The following GPC5 variants were observed in gnomAD, a reference collection of about 807,000 sequenced individuals.
GPC5 encodes the protein glypican-5.
GPC5 carries 47 observed loss-of-function variants against 53.9 expected under a neutral mutation model. The observed-to-expected ratio is 0.87, with a 90% CI of 0.69 to 1.11. The LOEUF is 1.11. GPC5 is among the 50% of genes most tolerant of loss of function. The probability of loss-of-function intolerance (pLI) is 0.00; values close to 1 mark genes in which losing one functional copy is unlikely to be tolerated. For missense variants in GPC5, 748 were observed against 713.1 expected (o/e 1.05, Z -0.56); for synonymous variants, 286 against 263.3 (o/e 1.09, Z -0.84).
At chr13:92,097,809 A>C (rs924540727) in intron 6 of GPC5, among the ~76,000 whole-genome samples, 1 of 152,188 alleles carries the variant, frequency 6.6e-6, no homozygotes, top group Non-Finnish European at 1.5e-5. Flanking sequence ...TGCATGCTAT[A>C]TTTCATGAAA....
intron 7 of GPC5, among the ~76,000 whole-genome samples, chr13:92,608,204 G>T (rs1884316683): frequency 6.6e-6 from 1 of 152,094 alleles, no homozygotes; most frequent in South Asian, 2.1e-4. Flanking sequence ...AATTATATTT[G>T]GATTTTCAGC....
intron 6 of GPC5, among the ~76,000 whole-genome samples, chr13:92,031,065 A>T (rs1249433513): frequency 6.6e-6 from 1 of 151,982 alleles, no homozygotes. Context: ...GATTTCTGGC[A>T]CATTCTTTTC....
At chr13:91,992,811 T>C (rs1476440093) in intron 6 of GPC5, among the ~76,000 whole-genome samples, 1 of 152,174 alleles carries the variant, frequency 6.6e-6, no homozygotes, top group African/African-American at 2.4e-5. Flanking sequence ...TAAAGCTCAA[T>C]AAACATGCCA....
intron 6 of GPC5, among the ~76,000 whole-genome samples, chr13:92,013,661 C>T (rs1190692319): frequency 1.3e-5 from 2 of 152,160 alleles, no homozygotes; most frequent in Non-Finnish European, 2.9e-5. Flanking sequence ...CCCCTGTCTG[C>T]CTTAAATTTC....
chr13:91,819,581 G>A (rs145092057), intron 5 of GPC5, among the ~76,000 whole-genome samples: 36 of 152,160 alleles, frequency 2.4e-4, no homozygotes, highest in South Asian at 1.5e-3. Flanking sequence ...ATATTATTGC[G>A]TACAGCTGTG....
chr13:91,544,224 A>T (rs2030141873), intron 2 of GPC5, among the ~76,000 whole-genome samples: 1 of 150,858 alleles, frequency 6.6e-6, no homozygotes. Context: ...TGACTTAGGA[A>T]TTTTGTTTTT....
intron 3 of GPC5, among the ~76,000 whole-genome samples, chr13:91,727,331 C>T (rs345491): frequency 0.48 from 73,341 of 151,920 alleles, 19,419 homozygotes; most frequent in African/African-American, 0.71. Context: ...CTTCTTCACC[C>T]ACCACCCCCA....
intron 7 of GPC5, among the ~76,000 whole-genome samples, chr13:92,753,701 GA>G (rs1874701826): frequency 6.6e-6 from 1 of 152,046 alleles, no homozygotes. Flanking sequence ...CTCAGGAGCC[GA>G]TGCGATCAAC....
intron 7 of GPC5, among the ~76,000 whole-genome samples, chr13:92,784,937 C>T (rs1876161614): frequency 6.6e-6 from 1 of 152,158 alleles, no homozygotes; most frequent in African/African-American, 2.4e-5. Context: ...ATCTTACTCT[C>T]TTCTCTCCCC....
intron 7 of GPC5, among the ~76,000 whole-genome samples, chr13:92,848,120 C>A (rs1651013811): frequency 6.6e-6 from 1 of 152,140 alleles, no homozygotes; most frequent in East Asian, 1.9e-4. Flanking sequence ...CTTGTCAACT[C>A]ACTTTGCCTG....
intron 5 of GPC5, among the ~76,000 whole-genome samples, chr13:91,897,065 T>A (rs879454247): frequency 1.3e-5 from 2 of 152,088 alleles, no homozygotes; most frequent in Admixed American, 1.3e-4. Context: ...TCCTCCTTTT[T>A]CATCAAATAC....
chr13:92,739,401 A>G (rs1227717755), intron 7 of GPC5, among the ~76,000 whole-genome samples: 1 of 152,088 alleles, frequency 6.6e-6, no homozygotes, highest in African/African-American at 2.4e-5. Context: ...ATAGTTGCTG[A>G]TAAGTTCTGT....
chr13:92,715,253 G>T (rs954214879), intron 7 of GPC5, among the ~76,000 whole-genome samples: 6 of 152,184 alleles, frequency 3.9e-5, no homozygotes, highest in African/African-American at 1.4e-4. Context: ...GAGAGTGTGT[G>T]CATGTTTCTT....
intron 7 of GPC5, among the ~76,000 whole-genome samples, chr13:92,601,265 C>A (rs932052650): frequency 1.3e-5 from 2 of 151,972 alleles, no homozygotes; most frequent in Admixed American, 1.3e-4. Context: ...GAACAAGAAA[C>A]ACATATTGGG....
intron 6 of GPC5, among the ~76,000 whole-genome samples, chr13:92,000,244 C>T (rs72633772): frequency 0.037 from 5,437 of 148,218 alleles, 270 homozygotes; most frequent in African/African-American, 0.11. Flanking sequence ...ACACTGAGCA[C>T]AAACATGGTG....
chr13:92,690,287 A>G, intron 7 of GPC5, among the ~76,000 whole-genome samples: 1 of 74,350 alleles, frequency 1.3e-5, no homozygotes, highest in Non-Finnish European at 2.4e-5. Context: ...TTTTTCTCTA[A>G]ACTTCCCTTC....
intron 1 of GPC5, among the ~76,000 whole-genome samples, chr13:91,408,654 A>G (rs1566369689): frequency 6.6e-6 from 1 of 152,202 alleles, no homozygotes; most frequent in African/African-American, 2.4e-5. Context: ...TGGTCCAGCT[A>G]TTAACTTAAA....
intron 7 of GPC5, among the ~76,000 whole-genome samples, chr13:92,670,308 T>C (rs1342581484): frequency 1.3e-5 from 2 of 152,102 alleles, no homozygotes; most frequent in African/African-American, 4.8e-5. Flanking sequence ...ATGTGAGGCA[T>C]CCAAAGGCTA....
chr13:92,018,441 T>C (rs561536127), intron 6 of GPC5, among the ~76,000 whole-genome samples: 1 of 152,202 alleles, frequency 6.6e-6, no homozygotes, highest in East Asian at 1.9e-4. Flanking sequence ...TCCCATCTCC[T>C]AGGACAGAAA....
Sources: allele counts gnomAD v4.1 joint callset (sites outside exome capture counted in the v4.1 genomes callset), GRCh38; gene constraint gnomAD v4.1.1; transcripts MANE v1.5; gene names NCBI Gene and HGNC (gene_info 2026-07-23, HGNC 2026-07-21).